The following METTL9 variants were observed in gnomAD, a reference collection of about 807,000 sequenced individuals.
The protein encoded by METTL9 is protein-L-histidine N-pros-methyltransferase.
Under a neutral mutation model 36.0 loss-of-function variants are expected in METTL9, and 10 were observed. That is an observed-to-expected ratio of 0.28 (90% confidence interval 0.17 to 0.47). The LOEUF (loss-of-function observed/expected upper bound fraction) is 0.47, where lower values mean the gene tolerates loss of function less well. METTL9 is among the 20% of genes least tolerant of loss of function. METTL9 has a pLI of 0.99. For synonymous variants in METTL9, 175 were observed against 149.7 expected, an observed-to-expected ratio of 1.17 and a Z score of -1.23; for missense variants, 246 against 383.5, an observed-to-expected ratio of 0.64 and a Z score of 3.00.
At position 21,599,607 on chromosome 16, in the gene METTL9, G is replaced by C; in HGVS notation, c.-127G>C. Reference sequence around the variant, plus strand: ...CACCCCCAGCCTTTGCCCTGAAGGGGGCTGGATGGGCAAGGCGGCCGCGAT... The same window carrying C: ...CACCCCCAGCCTTTGCCCTGAAGGGCGCTGGATGGGCAAGGCGGCCGCGAT... On this transcript the variant is annotated 5_prime_UTR_variant, in exon 1 of 5. Transcript: ENST00000358154. This position sits in a 1 kb window ranked among gnomAD's most constrained non-coding sequence, Gnocchi z 4.4. The C allele has an allele frequency of 7.5e-7, 1 of 1,328,622 alleles. No homozygotes were observed. Among genetic ancestry groups the C allele is most frequent in the Non-Finnish European group, 9.5e-7 (1 of 1,047,650 alleles). The allele number at this position is 1,328,622 out of a possible 1,614,324, so 82.3% of individuals were successfully genotyped here.
At chr16:21,634,430 T>C (rs937689862) in intron 4 of METTL9, among the ~76,000 whole-genome samples, 3 of 152,168 alleles carry the variant, frequency 2.0e-5, no homozygotes, top group Non-Finnish European at 2.9e-5. Context: ...GGCGGCTTAT[T>C]TCTCATTGGA....
Position 21,617,919 on chromosome 16 carries a change from G to A in METTL9, c.411G>A (p.Leu137=). ...FVFSPDQFQR[L]LKINPDWKTH... Reference sequence around the variant, plus strand: ...TTTCACCAGATCAGTTTCAGAGACTGCTTAAAATTAATCCAGACTGGAAAA... The same window carrying A: ...TTTCACCAGATCAGTTTCAGAGACTACTTAAAATTAATCCAGACTGGAAAA... The change falls in exon 3 of 5, where the codon CTG becomes CTA. Residue 137 remains leucine, a synonymous_variant. Coordinates refer to ENST00000358154, the MANE Select transcript of METTL9 (RefSeq NM_016025.5). 6.2e-7 allele frequency: 1 copy of A among 1,613,966 alleles called. No homozygotes were observed. The highest frequency in any genetic ancestry group is 8.5e-7 in the Non-Finnish European group (1 of 1,179,984).
chr16:21,646,961 G>T, intron 4 of METTL9: 2 of 829,420 alleles, frequency 2.4e-6, no homozygotes, highest in South Asian at 1.5e-5. Flanking sequence ...GCCAGTTGGA[G>T]TAGTTCTTTA....
chr16:21,652,950 G>A (rs964922211), intron 4 of METTL9: 4 of 213,578 alleles, frequency 1.9e-5, no homozygotes, highest in Non-Finnish European at 3.7e-5. Context: ...ACTGTCTAGG[G>A]TACCTGCTCT....
intron 4 of METTL9, chr16:21,644,440 T>A (rs1239335509): frequency 7.3e-7 from 1 of 1,362,236 alleles, no homozygotes; most frequent in Non-Finnish European, 1.0e-6. Context: ...TATTAAAGCC[T>A]ATTCTTTCAA....
intron 4 of METTL9, among the ~76,000 whole-genome samples, chr16:21,645,863 A>C (rs1179004753): frequency 6.6e-6 from 1 of 152,212 alleles, no homozygotes; most frequent in African/African-American, 2.4e-5. Context: ...GCCTTAACTT[A>C]TTTATAATTT....
At chr16:21,618,363 G>A (rs1042174014) in intron 3 of METTL9, among the ~76,000 whole-genome samples, 1 of 152,114 alleles carries the variant, frequency 6.6e-6, no homozygotes, top group Non-Finnish European at 1.5e-5. Context: ...TTTTTAAGTA[G>A]TGGTAAAATA....
intron 4 of METTL9, chr16:21,654,371 A>G (rs1966658008): frequency 6.6e-6 from 1 of 152,114 alleles, no homozygotes; most frequent in African/African-American, 2.4e-5. Context: ...ACTTCAACAG[A>G]TGTATGTAGT....
At chr16:21,629,643 C>G (rs1383299460) in intron 4 of METTL9, among the ~76,000 whole-genome samples, 3 of 152,164 alleles carry the variant, frequency 2.0e-5, no homozygotes, top group South Asian at 2.1e-4. Flanking sequence ...TGTTACAGCT[C>G]TTAAAGGTGG....
chr16:21,643,207 TAAC>T lies in METTL9; in HGVS notation c.752-12019_752-12017del, dbSNP rs1432525579. The T allele has an allele frequency of 6.7e-6, 9 of 1,335,992 alleles. No homozygotes were observed. In the African/African-American group the frequency reaches 1.3e-4, roughly 19 times the overall value. The allele number at this position is 1,335,992 out of a possible 1,614,324, so 82.8% of individuals were successfully genotyped here. ...TCTCTTTTGGGAATATAAGCGATGA[TAAC>T]GACGCATCATCAGAACTTTTCTTGC... On this transcript the variant is annotated intron_variant, in intron 4 of 4. Transcript: ENST00000358154.
At chr16:21,620,077 A>C (rs1484302753) in intron 3 of METTL9, among the ~76,000 whole-genome samples, 4 of 152,224 alleles carry the variant, frequency 2.6e-5, no homozygotes, top group Non-Finnish European at 4.4e-5. Flanking sequence ...AAGGAAAGGA[A>C]TAGGTATAGT....
intron 1 of METTL9, 132 bp from the exon 2 acceptor site, chr16:21,612,513 G>A: frequency 1.3e-6 from 1 of 772,416 alleles, no homozygotes; most frequent in Admixed American, 3.8e-5. Flanking sequence ...ATTATTCTCA[G>A]AGTATCATGA....
intron 2 of METTL9, 60 bp from the exon 3 acceptor site, chr16:21,617,805 G>T (rs1307883973): frequency 3.0e-6 from 4 of 1,353,444 alleles, no homozygotes; most frequent in South Asian, 1.2e-5. Flanking sequence ...CTTTGTGTGT[G>T]TATGTGAGGG....
intron 4 of METTL9, among the ~76,000 whole-genome samples, chr16:21,636,588 A>G (rs1381900532): frequency 2.6e-5 from 4 of 152,214 alleles, no homozygotes; most frequent in African/African-American, 2.4e-5. Context: ...TCATGGCCGC[A>G]GGGTCAACCA....
intron 1 of METTL9, among the ~76,000 whole-genome samples, chr16:21,604,210 A>G (rs1055865122): frequency 2.6e-5 from 4 of 152,200 alleles, no homozygotes; most frequent in Non-Finnish European, 5.9e-5. Flanking sequence ...AAGAGACTTC[A>G]GAAAGGATTT....
chr16:21,644,199 AG>A, intron 4 of METTL9: 1 of 886,408 alleles, frequency 1.1e-6, no homozygotes, highest in African/African-American at 1.7e-5. Context: ...GCTCTTGCTG[AG>A]GCCCATAACT....
At chr16:21,647,594 T>C in intron 4 of METTL9, 1 of 1,398,000 alleles carries the variant, frequency 7.2e-7, no homozygotes, top group Non-Finnish European at 9.6e-7. Flanking sequence ...GTTATTTTTC[T>C]TACCTTAATC....
rs1188015573 is a variant in METTL9, at chr16:21,612,789, G to T, written c.310G>T (p.Val104Leu). ...ATTTATCCAATTATATCATTCTTTTGTGTCATCTGTTTTTAGCCTGTTTAT... is the reference window on the plus strand; with the variant it reads ...ATTTATCCAATTATATCATTCTTTTTTGTCATCTGTTTTTAGCCTGTTTAT... ...WLFIQLYHSF[V>L]SSVFSLFMSR... Residue 104 changes from valine to leucine, a missense_variant, in exon 2 of 5, where the codon GTG (valine) becomes TTG (leucine). Transcript: ENST00000358154. 1 of 1,611,926 alleles carries T rather than the reference G, an allele frequency of 6.2e-7. No individual in the cohort carries two copies. Among genetic ancestry groups the T allele is most frequent in the Non-Finnish European group, 8.5e-7 (1 of 1,179,378 alleles).
intron 4 of METTL9, among the ~76,000 whole-genome samples, chr16:21,650,508 C>CA (rs3046229): frequency 0.044 from 3,988 of 89,772 alleles, 220 homozygotes; most frequent in African/African-American, 0.14. Context: ...ACTCTTGTCT[C>CA]AAAAAAAAAA....
Sources: allele counts gnomAD v4.1 joint callset (sites outside exome capture counted in the v4.1 genomes callset), GRCh38; gene constraint gnomAD v4.1.1; non-coding constraint Gnocchi (gnomAD v3.1); transcripts MANE v1.5; gene names NCBI Gene and HGNC (gene_info 2026-07-23, HGNC 2026-07-21).